TMEM232: variants seen among roughly 807,000 people sequenced by gnomAD.
TMEM232 encodes transmembrane protein 232.
Under a neutral mutation model 78.8 loss-of-function variants are expected in TMEM232, and 80 were observed. The observed-to-expected ratio is 1.01, with a 90% CI of 0.85 to 1.22. The LOEUF is 1.22. TMEM232 is among the 50% of genes most tolerant of loss of function. TMEM232 has a pLI of 0.00. For synonymous variants in TMEM232, 297 were observed against 254.3 expected (o/e 1.17, Z -1.60); for missense variants, 881 against 742.2 (o/e 1.19, Z -2.17).
At chr5:110,692,694 C>T (rs1473840696) in intron 1 of TMEM232, among the ~76,000 whole-genome samples, 5 of 152,180 alleles carry the variant, frequency 3.3e-5, no homozygotes, top group African/African-American at 9.6e-5. Flanking sequence ...CATGGAGCAT[C>T]GCTCATTGCT....
At chr5:110,548,948 A>G (rs889195356) in intron 11 of TMEM232, among the ~76,000 whole-genome samples, 9 of 151,984 alleles carry the variant, frequency 5.9e-5, no homozygotes, top group African/African-American at 2.2e-4. Context: ...ACTAAAATCA[A>G]ACAATATAAA....
chr5:110,613,912 GTTA>G (rs1164079242), intron 8 of TMEM232, among the ~76,000 whole-genome samples: 7 of 151,802 alleles, frequency 4.6e-5, no homozygotes, highest in African/African-American at 1.7e-4. Flanking sequence ...TTGGTATAAT[GTTA>G]TTATTAACAG....
At chr5:110,721,673 G>GTGTGTATA (rs146117698) in intron 1 of TMEM232, among the ~76,000 whole-genome samples, 1 of 35,492 alleles carries the variant, frequency 2.8e-5, no homozygotes, top group African/African-American at 7.7e-5. Context: ...GTGTGTGTGT[G>GTGTGTATA]TATATATATA....
intron 13 of TMEM232, among the ~76,000 whole-genome samples, chr5:110,424,019 A>G (rs1207224124): frequency 6.6e-6 from 1 of 152,162 alleles, no homozygotes; most frequent in Non-Finnish European, 1.5e-5. Context: ...ATTTCAAGGT[A>G]TCAGTCAGTC....
At chr5:110,508,871 C>T (rs1767292165) in intron 12 of TMEM232, among the ~76,000 whole-genome samples, 1 of 139,214 alleles carries the variant, frequency 7.2e-6, no homozygotes, top group African/African-American at 2.9e-5. Context: ...TATATACACA[C>T]ACACATATAT....
chr5:110,529,889 A>G (rs1344518671), intron 11 of TMEM232, among the ~76,000 whole-genome samples: 2 of 152,172 alleles, frequency 1.3e-5, no homozygotes, highest in Admixed American at 1.3e-4. Flanking sequence ...TATGTTCATG[A>G]TATGTACATA....
At chr5:110,514,915 T>C (rs1401098877) in intron 12 of TMEM232, among the ~76,000 whole-genome samples, 1 of 152,182 alleles carries the variant, frequency 6.6e-6, no homozygotes, top group African/African-American at 2.4e-5. Flanking sequence ...AGTTCACTAA[T>C]GAAAATCAAG....
At chr5:110,691,773 C>T (rs1304342020) in intron 1 of TMEM232, among the ~76,000 whole-genome samples, 1 of 152,226 alleles carries the variant, frequency 6.6e-6, no homozygotes, top group Non-Finnish European at 1.5e-5. Context: ...TTTGCTTTAT[C>T]TTACATGTAA....
chr5:110,704,920 G>T (rs1172799315), intron 1 of TMEM232, among the ~76,000 whole-genome samples: 2 of 152,002 alleles, frequency 1.3e-5, no homozygotes, highest in Non-Finnish European at 2.9e-5. Context: ...TCTTGTTCTG[G>T]GGGTCAGGGA....
chr5:110,566,809 A>G (rs943230734), intron 11 of TMEM232, among the ~76,000 whole-genome samples: 2 of 151,934 alleles, frequency 1.3e-5, no homozygotes, highest in African/African-American at 4.8e-5. Context: ...TCTTTACAGC[A>G]GCACCCCACT....
chr5:110,602,181 A>G (rs1371983213), intron 10 of TMEM232, among the ~76,000 whole-genome samples: 1 of 152,184 alleles, frequency 6.6e-6, no homozygotes, highest in Non-Finnish European at 1.5e-5. Flanking sequence ...AAGATCTAAA[A>G]CCACAAAAAC....
At chr5:110,553,481 G>C (rs565375454) in intron 11 of TMEM232, among the ~76,000 whole-genome samples, 1 of 151,334 alleles carries the variant, frequency 6.6e-6, no homozygotes, top group East Asian at 1.9e-4. Context: ...TATTCTTTTT[G>C]TGACTATTGT....
At chr5:110,508,052 T>G (rs970081264) in intron 12 of TMEM232, among the ~76,000 whole-genome samples, 2 of 152,156 alleles carry the variant, frequency 1.3e-5, no homozygotes, top group Admixed American at 1.3e-4. Context: ...ATAAATGGTT[T>G]AGTAAAATTT....
chr5:110,523,798 A>AT (rs1474475482), intron 12 of TMEM232, among the ~76,000 whole-genome samples: 1 of 151,828 alleles, frequency 6.6e-6, no homozygotes, highest in Admixed American at 6.6e-5. Context: ...ACAAAAATAA[A>AT]TTTTTTAAAA....
At chr5:110,685,454 T>C (rs1029194604) in intron 1 of TMEM232, among the ~76,000 whole-genome samples, 2 of 152,082 alleles carry the variant, frequency 1.3e-5, no homozygotes, top group African/African-American at 4.8e-5. Flanking sequence ...AAAAGCATAA[T>C]GAACTTCTAT....
At position 110,440,788 on chromosome 5, in the gene TMEM232, A is replaced by G. The variant is rs189052673; in HGVS notation, c.1704-15872T>C. Reference sequence around the variant, plus strand: ...CTTCTTGCCTCTGGTGCTGCTTTTGAGTCCAATGCCATCCTGATTTTCAGG... The same window carrying G: ...CTTCTTGCCTCTGGTGCTGCTTTTGGGTCCAATGCCATCCTGATTTTCAGG... On this transcript the variant is annotated intron_variant, in intron 12 of 13. Transcript: ENST00000455884. 3.3e-5 allele frequency among the ~76,000 whole-genome samples: 5 copies of G among 152,240 alleles called. No individual in the cohort carries two copies. The East Asian group carries it at 9.7e-4, about 29-fold the overall frequency.
chr5:110,721,677 A>ATATATATC (rs1554086693), intron 1 of TMEM232, among the ~76,000 whole-genome samples: 1 of 118,714 alleles, frequency 8.4e-6, no homozygotes, highest in African/African-American at 3.0e-5. Flanking sequence ...GTGTGTGTAT[A>ATATATATC]TATATATCTG....
intron 12 of TMEM232, among the ~76,000 whole-genome samples, chr5:110,445,294 C>T (rs974240304): frequency 6.6e-6 from 1 of 151,898 alleles, no homozygotes; most frequent in Admixed American, 6.6e-5. Context: ...CTAATTAACA[C>T]ATAATAAATT....
At chr5:110,604,025 T>C (rs912464938) in intron 10 of TMEM232, among the ~76,000 whole-genome samples, 11 of 152,200 alleles carry the variant, frequency 7.2e-5, no homozygotes, top group African/African-American at 2.7e-4. Flanking sequence ...TGAAATTTAA[T>C]GATTTATTTA....
Sources: gnomAD v4.1 joint callset for allele counts (sites outside exome capture counted in the v4.1 genomes callset) on GRCh38, gnomAD v4.1.1 for gene constraint, MANE v1.5 for transcripts, NCBI Gene and HGNC (gene_info 2026-07-23, HGNC 2026-07-21) for gene names.